The following MARK1 variants were observed in gnomAD, a reference collection of about 807,000 sequenced individuals.
The protein encoded by MARK1 is microtubule affinity regulating kinase 1.
In MARK1, 40 loss-of-function variants were observed where a neutral mutation model predicts 96.3. The ratio of observed to expected loss-of-function variants is 0.42; its 90% CI spans 0.32 to 0.54. The LOEUF (loss-of-function observed/expected upper bound fraction) is 0.54, where lower values mean the gene tolerates loss of function less well. Ranked by LOEUF, MARK1 falls within the 20% of genes least tolerant of loss-of-function variation. MARK1 has a pLI of 0.16. For synonymous variants in MARK1, 317 were observed against 341.2 expected (o/e 0.93, Z 0.78); for missense variants, 719 against 984.6 (o/e 0.73, Z 3.61).
intron 1 of MARK1, among the ~76,000 whole-genome samples, chr1:220,567,997 G>A (rs1421228705): frequency 6.6e-5 from 10 of 152,030 alleles, no homozygotes; most frequent in Admixed American, 5.9e-4. Context: ...TTGAATTTAG[G>A]TACACCCCTC....
At chr1:220,528,983 A>G (rs1285035256) in intron 1 of MARK1, 110 bp downstream of exon 1, 3 of 1,107,870 alleles carry the variant, frequency 2.7e-6, no homozygotes, top group Non-Finnish European at 3.8e-6. Context: ...CACCCGCGGC[A>G]GGGTCTCCAC....
intron 1 of MARK1, among the ~76,000 whole-genome samples, chr1:220,541,490 A>G (rs550004212): frequency 1.5e-4 from 23 of 152,188 alleles, no homozygotes; most frequent in African/African-American, 4.3e-4. Context: ...CTGTCTAGTT[A>G]TTCTATCATT....
chr1:220,545,443 T>TG (rs1402797163), intron 1 of MARK1, among the ~76,000 whole-genome samples: 1 of 144,352 alleles, frequency 6.9e-6, no homozygotes, highest in Non-Finnish European at 1.5e-5. Context: ...CTCATGGTTT[T>TG]TTTTTTTTTT....
intron 6 of MARK1, among the ~76,000 whole-genome samples, chr1:220,604,405 C>T (rs1049103763): frequency 2.0e-5 from 3 of 151,840 alleles, no homozygotes; most frequent in African/African-American, 2.4e-5. Flanking sequence ...GTCCTGGAAA[C>T]GTAGACTAGA....
chr1:220,581,303 C>T (rs1282205369), intron 3 of MARK1, among the ~76,000 whole-genome samples, 185 bp downstream of exon 3: 1 of 152,052 alleles, frequency 6.6e-6, no homozygotes, highest in African/African-American at 2.4e-5. Flanking sequence ...AAACTATCTA[C>T]TACTTAAATA....
chr1:220,608,453 T>C (rs951476874), intron 6 of MARK1, among the ~76,000 whole-genome samples: 1 of 152,166 alleles, frequency 6.6e-6, no homozygotes, highest in Non-Finnish European at 1.5e-5. Flanking sequence ...CTTTTCTTCT[T>C]TATTAGTCTT....
chr1:220,538,679 G>A lies in MARK1; in HGVS notation c.51+9806G>A, dbSNP rs539289931. 2.2e-4 allele frequency among the ~76,000 whole-genome samples: 34 copies of A among 152,010 alleles called. No individual in the cohort carries two copies. In the South Asian group the frequency reaches 3.5e-3, roughly 16 times the overall value. On this transcript the variant is annotated intron_variant, in intron 1 of 17. Transcript: ENST00000366917. ...CCTTGGGCAGTATGGCCATTTTCAC[G>A]ATATTGATTCTTCCTACCCATGAGC...
intron 13 of MARK1, among the ~76,000 whole-genome samples, chr1:220,644,674 A>G (rs763996923): frequency 6.6e-6 from 1 of 152,192 alleles, no homozygotes; most frequent in African/African-American, 2.4e-5. Flanking sequence ...TGATCACATA[A>G]TTGGAAGTAA....
chr1:220,643,615 A>C (rs1278109781), intron 13 of MARK1, among the ~76,000 whole-genome samples: 1 of 152,158 alleles, frequency 6.6e-6, no homozygotes, highest in African/African-American at 2.4e-5. Context: ...CCCAAGACAC[A>C]TAATCATCAG....
intron 1 of MARK1, among the ~76,000 whole-genome samples, chr1:220,566,683 A>G (rs1415960403): frequency 1.2e-4 from 18 of 152,220 alleles, no homozygotes; most frequent in Admixed American, 1.1e-3. Context: ...ATGTCCATAC[A>G]TAGTAGATAT....
chr1:220,612,138 A>G (rs567003584), intron 6 of MARK1, among the ~76,000 whole-genome samples: 10 of 152,338 alleles, frequency 6.6e-5, no homozygotes, highest in African/African-American at 2.2e-4. Context: ...TCCCATTAGA[A>G]TCCTAATGTA....
In MARK1 at chr1:220,626,204, T is replaced by G. The variant is rs1198274393; in HGVS notation, c.910-4831T>G. The G allele has an allele frequency of 1.1e-5, 6 of 559,806 alleles. No homozygotes were observed. The Admixed American group carries it at 1.3e-4, about 12-fold the overall frequency. 34.7% of individuals were successfully genotyped at this position (559,806 alleles called of 1,614,324 possible). On this transcript the variant is annotated intron_variant, in intron 9 of 17. Coordinates refer to ENST00000366917, the MANE Select transcript of MARK1 (RefSeq NM_018650.5). ...GGCTTCTATTACATCAATGACATTG[T>G]CTTGGCCATCCTGGAACTGCTAACC...
At chr1:220,661,590 AT>A (rs1442600972) in intron 17 of MARK1, among the ~76,000 whole-genome samples, 1 of 152,158 alleles carries the variant, frequency 6.6e-6, no homozygotes, top group Non-Finnish European at 1.5e-5. Flanking sequence ...GAAAAATGCT[AT>A]TTTAGATTGA....
intron 1 of MARK1, among the ~76,000 whole-genome samples, chr1:220,554,727 A>G (rs997616180): frequency 4.6e-5 from 7 of 152,342 alleles, no homozygotes; most frequent in African/African-American, 1.7e-4. Flanking sequence ...CACATCTAGA[A>G]TAGTGCTGTA....
intron 3 of MARK1, among the ~76,000 whole-genome samples, chr1:220,590,823 G>A (rs1184327811): frequency 6.6e-6 from 1 of 152,032 alleles, no homozygotes; most frequent in Non-Finnish European, 1.5e-5. Context: ...TATCGCTTAT[G>A]TTTTTTTCTC....
chr1:220,597,880 A>C (rs1665482972), intron 3 of MARK1, among the ~76,000 whole-genome samples: 2 of 152,216 alleles, frequency 1.3e-5, no homozygotes, highest in African/African-American at 4.8e-5. Flanking sequence ...AACCTTACTG[A>C]ATCTTTCATT....
chr1:220,551,761 T>C (rs1404303755), intron 1 of MARK1, among the ~76,000 whole-genome samples: 1 of 152,078 alleles, frequency 6.6e-6, no homozygotes, highest in African/African-American at 2.4e-5. Context: ...AAGGAAAAAA[T>C]ATTTATAAGT....
At chr1:220,656,266 A>T (rs999252295) in intron 16 of MARK1, among the ~76,000 whole-genome samples, 1 of 152,174 alleles carries the variant, frequency 6.6e-6, no homozygotes, top group Non-Finnish European at 1.5e-5. Context: ...AAGTAGCAGA[A>T]ATTTTTCCAA....
intron 1 of MARK1, among the ~76,000 whole-genome samples, chr1:220,572,839 T>C (rs889843152): frequency 6.6e-6 from 1 of 152,220 alleles, no homozygotes; most frequent in African/African-American, 2.4e-5. Context: ...TGTATGTCTG[T>C]TGGCAACAAA....
Sources: gnomAD v4.1 joint callset for allele counts (sites outside exome capture counted in the v4.1 genomes callset) on GRCh38, gnomAD v4.1.1 for gene constraint, MANE v1.5 for transcripts, NCBI Gene and HGNC (gene_info 2026-07-23, HGNC 2026-07-21) for gene names.